MAGI2: variants seen among roughly 807,000 people sequenced by gnomAD.
MAGI2 encodes the protein membrane associated guanylate kinase, WW and PDZ domain containing 2.
A neutral mutation model predicts 133.3 loss-of-function variants in MAGI2; 35 were observed. That is an observed-to-expected ratio of 0.26 (90% confidence interval 0.20 to 0.35). The LOEUF (loss-of-function observed/expected upper bound fraction) is 0.35. Ranked by LOEUF, MAGI2 falls within the 10% of genes least tolerant of loss-of-function variation. The pLI, the probability that MAGI2 is intolerant of heterozygous loss-of-function variation, is 1.00. For missense variants in MAGI2, 1,636 were observed against 1,863.4 expected, an observed-to-expected ratio of 0.88 and a Z score of 2.25; for synonymous variants, 729 against 710.6, an observed-to-expected ratio of 1.03 and a Z score of -0.41.
At chr7:79,346,124 C>T (rs1398409716) in intron 1 of MAGI2, among the ~76,000 whole-genome samples, 1 of 151,970 alleles carries the variant, frequency 6.6e-6, no homozygotes, top group Admixed American at 6.6e-5. Context: ...ATATCCAACA[C>T]TTAGATTTTT....
chr7:79,304,774 G>C (rs2129560045), intron 1 of MAGI2, among the ~76,000 whole-genome samples: 1 of 152,294 alleles, frequency 6.6e-6, no homozygotes, highest in Non-Finnish European at 1.5e-5. Flanking sequence ...TCTCTTAGTG[G>C]GGCAAAGCCA....
intron 2 of MAGI2, among the ~76,000 whole-genome samples, chr7:78,926,869 A>G (rs1024618928): frequency 1.3e-5 from 2 of 151,660 alleles, no homozygotes; most frequent in Non-Finnish European, 2.9e-5. Flanking sequence ...CATGAGTACC[A>G]TTCTGACTGT....
chr7:79,133,859 C>T (rs559906654), intron 1 of MAGI2, among the ~76,000 whole-genome samples: 118 of 152,226 alleles, frequency 7.8e-4, no homozygotes, highest in African/African-American at 2.7e-3. Flanking sequence ...TTGTATGCCC[C>T]ATGCCTAGTA....
At chr7:78,259,378 A>T (rs990404874) in intron 9 of MAGI2, among the ~76,000 whole-genome samples, 1 of 152,178 alleles carries the variant, frequency 6.6e-6, no homozygotes, top group East Asian at 1.9e-4. Flanking sequence ...ACTGGCTTCA[A>T]TCCTCTGTGA....
intron 3 of MAGI2, among the ~76,000 whole-genome samples, chr7:78,567,293 C>T (rs1247975324): frequency 2.6e-5 from 4 of 152,016 alleles, no homozygotes; most frequent in Non-Finnish European, 5.9e-5. Context: ...AATGGAATTG[C>T]TCTATTCCAA....
chr7:78,624,325 C>T (rs1295814170), intron 3 of MAGI2, among the ~76,000 whole-genome samples: 1 of 152,050 alleles, frequency 6.6e-6, no homozygotes, highest in South Asian at 2.1e-4. Flanking sequence ...TAATTAGATC[C>T]CATTTGTCAA....
At chr7:79,223,249 T>G (rs2129553588) in intron 1 of MAGI2, among the ~76,000 whole-genome samples, 1 of 152,184 alleles carries the variant, frequency 6.6e-6, no homozygotes, top group East Asian at 1.9e-4. Flanking sequence ...TCATTTATGT[T>G]GTTTTTAAAT....
intron 6 of MAGI2, among the ~76,000 whole-genome samples, chr7:78,420,462 C>G (rs1223179029): frequency 1.3e-5 from 2 of 152,202 alleles, no homozygotes; most frequent in African/African-American, 2.4e-5. Context: ...CAGGAGCTCT[C>G]TATTCAAAAT....
chr7:78,598,848 G>A (rs745679797), intron 3 of MAGI2, among the ~76,000 whole-genome samples: 4 of 152,100 alleles, frequency 2.6e-5, no homozygotes, highest in Non-Finnish European at 5.9e-5. Flanking sequence ...AGTAGGTACC[G>A]TTCATGGAGA....
At chr7:78,874,863 C>T (rs768730747) in intron 2 of MAGI2, among the ~76,000 whole-genome samples, 11 of 152,100 alleles carry the variant, frequency 7.2e-5, no homozygotes, top group Non-Finnish European at 1.0e-4. Context: ...TAACAAGTAT[C>T]AAAACCTCAC....
chr7:79,284,908 G>T (rs1318004124), intron 1 of MAGI2, among the ~76,000 whole-genome samples: 1 of 151,924 alleles, frequency 6.6e-6, no homozygotes, highest in Non-Finnish European at 1.5e-5. Flanking sequence ...CCTCCTAGAG[G>T]ATTCTAATAT....
intron 1 of MAGI2, among the ~76,000 whole-genome samples, chr7:79,344,953 C>A (rs1417868472): frequency 6.6e-6 from 1 of 152,000 alleles, no homozygotes; most frequent in East Asian, 1.9e-4. Context: ...TCTTTAATTT[C>A]TCTGGGTAAC....
At chr7:78,518,578 G>A (rs1796234424) in intron 4 of MAGI2, 14 of 152,064 alleles carry the variant, frequency 9.2e-5, no homozygotes. Flanking sequence ...CCTTCGTAAT[G>A]GAATAATGTT....
chr7:78,087,974 A>C (rs1482606928), intron 20 of MAGI2, among the ~76,000 whole-genome samples: 2 of 152,222 alleles, frequency 1.3e-5, no homozygotes, highest in Admixed American at 1.3e-4. Context: ...TTATCGGCCT[A>C]AGAATAGAAA....
chr7:79,291,508 C>T (rs1158087938), intron 1 of MAGI2, among the ~76,000 whole-genome samples: 3 of 152,122 alleles, frequency 2.0e-5, no homozygotes, highest in Non-Finnish European at 4.4e-5. Flanking sequence ...TCCAAAACAG[C>T]TCTACAATTT....
At chr7:78,606,950 T>C (rs191103849) in intron 3 of MAGI2, among the ~76,000 whole-genome samples, 323 of 152,336 alleles carry the variant, frequency 2.1e-3, no homozygotes, top group African/African-American at 7.3e-3. Context: ...TCTCCATTCT[T>C]TATACATACT....
At chr7:78,430,599 T>C (rs1799700137) in intron 6 of MAGI2, among the ~76,000 whole-genome samples, 2 of 152,088 alleles carry the variant, frequency 1.3e-5, no homozygotes, top group Non-Finnish European at 2.9e-5. Context: ...AGTAATAGTA[T>C]CCAACACCTT....
chr7:78,223,414 T>G (rs965292435), intron 10 of MAGI2, among the ~76,000 whole-genome samples: 11 of 152,044 alleles, frequency 7.2e-5, no homozygotes, highest in Non-Finnish European at 1.5e-4. Context: ...TTTCTGAAAA[T>G]AGAAATTATA....
intron 3 of MAGI2, among the ~76,000 whole-genome samples, chr7:78,587,878 G>A (rs1394220543): frequency 6.6e-6 from 1 of 152,114 alleles, no homozygotes; most frequent in Non-Finnish European, 1.5e-5. Flanking sequence ...AATAAAATGG[G>A]TATTCATTAC....
Sources: gnomAD v4.1 joint callset for allele counts (sites outside exome capture counted in the v4.1 genomes callset) on GRCh38, gnomAD v4.1.1 for gene constraint, MANE v1.5 for transcripts, NCBI Gene and HGNC (gene_info 2026-07-23, HGNC 2026-07-21) for gene names.